Variants in UNC13C observed in about 807,000 individuals in gnomAD.
UNC13C encodes unc-13 homolog C.
In UNC13C, 174 loss-of-function variants were observed where a neutral mutation model predicts 245.4. The ratio of observed to expected loss-of-function variants is 0.71; its 90% confidence interval spans 0.63 to 0.80. UNC13C has a LOEUF of 0.80. Ranked by LOEUF, UNC13C falls within the 30% of genes least tolerant of loss-of-function variation. UNC13C has a pLI of 0.00. For missense variants in UNC13C, 2,829 were observed against 2,602.9 expected, an observed-to-expected ratio of 1.09 and a Z score of -1.89; for synonymous variants, 992 against 895.1, an observed-to-expected ratio of 1.11 and a Z score of -1.93.
intron 1 of UNC13C, among the ~76,000 whole-genome samples, chr15:54,007,215 A>G (rs1895178704): frequency 6.6e-6 from 1 of 152,204 alleles, no homozygotes; most frequent in South Asian, 2.1e-4. Context: ...TAATCCTAAC[A>G]CAGTCCAGGA....
At chr15:54,105,479 A>G (rs1900394496) in intron 2 of UNC13C, among the ~76,000 whole-genome samples, 1 of 152,126 alleles carries the variant, frequency 6.6e-6, no homozygotes, top group Non-Finnish European at 1.5e-5. Flanking sequence ...AGGTTTTCAT[A>G]TATTTTTTAT....
rs181619731 is a variant in UNC13C at position 54,007,350 on chromosome 15, G to A, written c.-256-5298G>A. The stretch of plus-strand genomic sequence containing the variant: ...TCAAGTGATTCAATAGCAAAGACAT[G>A]GAATCAACCCAAATGCCCATCAAAA... On this transcript the variant is annotated intron_variant, in intron 1 of 32. Transcript: ENST00000260323. Among the ~76,000 whole-genome samples the A allele has an allele frequency of 2.0e-4, 31 of 152,212 alleles. No individual in the cohort carries two copies. The East Asian group carries it at 4.4e-3, about 22-fold the overall frequency.
chr15:54,350,360 A>G (rs2038954881), intron 17 of UNC13C, among the ~76,000 whole-genome samples: 1 of 152,224 alleles, frequency 6.6e-6, no homozygotes, highest in Non-Finnish European at 1.5e-5. Flanking sequence ...AAAATAGGCA[A>G]ACACCAAACT....
chr15:54,486,570 C>T (rs1169967928), intron 19 of UNC13C, among the ~76,000 whole-genome samples: 7 of 152,016 alleles, frequency 4.6e-5, no homozygotes, highest in Admixed American at 2.0e-4. Context: ...TTCTAATTCT[C>T]ACAGATATAC....
chr15:54,252,681 A>G (rs1264236970), intron 8 of UNC13C, among the ~76,000 whole-genome samples: 5 of 152,196 alleles, frequency 3.3e-5, no homozygotes, highest in African/African-American at 4.8e-5. Context: ...GTGACACTAT[A>G]TATGAGATAA....
chr15:54,282,190 A>C (rs575001700), intron 10 of UNC13C, among the ~76,000 whole-genome samples: 1 of 152,242 alleles, frequency 6.6e-6, no homozygotes, highest in East Asian at 1.9e-4. Context: ...TACTGTAAAA[A>C]ATTTTGCTAT....
the UNC13C span, among the ~76,000 whole-genome samples, chr15:53,877,063 G>T: frequency 1.3e-5 from 2 of 152,314 alleles, no homozygotes; most frequent in South Asian, 4.2e-4. Context: ...TAGTAGGTAA[G>T]TTGGGTTTTG....
intron 2 of UNC13C, among the ~76,000 whole-genome samples, chr15:54,118,289 A>G (rs1467763640): frequency 1.3e-5 from 2 of 152,098 alleles, no homozygotes; most frequent in East Asian, 3.9e-4. Context: ...ATTCATGAAC[A>G]TGGAATATCC....
chr15:54,470,441 G>C (rs908342154), intron 19 of UNC13C, among the ~76,000 whole-genome samples: 10 of 151,478 alleles, frequency 6.6e-5, no homozygotes, highest in African/African-American at 2.4e-4. Flanking sequence ...GGCCTACTCA[G>C]ATTTGCTATT....
At chr15:54,247,945 TC>T (rs1343871425) in intron 7 of UNC13C, among the ~76,000 whole-genome samples, 1 of 152,150 alleles carries the variant, frequency 6.6e-6, no homozygotes, top group African/African-American at 2.4e-5. Flanking sequence ...TTTTTATTAC[TC>T]CTACTATAAT....
chr15:53,931,839 T>G, the UNC13C span, among the ~76,000 whole-genome samples: 2 of 152,210 alleles, frequency 1.3e-5, no homozygotes, highest in African/African-American at 4.8e-5. Context: ...GGGTGAGTCC[T>G]TGGTGTTACA....
chr15:54,203,064 G>A (rs1354042973), intron 4 of UNC13C, among the ~76,000 whole-genome samples: 1 of 151,602 alleles, frequency 6.6e-6, no homozygotes, highest in African/African-American at 2.4e-5. Context: ...AGGCCAACAA[G>A]CATATGGAAA....
chr15:54,363,236 G>T (rs2039277742), intron 17 of UNC13C, among the ~76,000 whole-genome samples: 1 of 152,178 alleles, frequency 6.6e-6, no homozygotes, highest in Non-Finnish European at 1.5e-5. Context: ...AGCCTCCCAA[G>T]TAGCTGGGAT....
chr15:54,527,838 A>T (rs1303949237), intron 25 of UNC13C, among the ~76,000 whole-genome samples: 1 of 152,204 alleles, frequency 6.6e-6, no homozygotes, highest in Non-Finnish European at 1.5e-5. Context: ...CTAATAAAAA[A>T]TATAATTATT....
At chr15:54,263,132 G>A (rs2036468455) in intron 8 of UNC13C, among the ~76,000 whole-genome samples, 1 of 152,072 alleles carries the variant, frequency 6.6e-6, no homozygotes, top group African/African-American at 2.4e-5. Context: ...ATACAAATTA[G>A]GCAAACTTAC....
rs768613080 is a variant in UNC13C, at chr15:54,013,789, G to A, written c.886G>A (p.Val296Ile). The A allele has an allele frequency of 1.9e-6, 3 of 1,611,644 alleles. No homozygotes were observed. The highest frequency in any genetic ancestry group is 2.2e-5 in the East Asian group (1 of 44,848). Reference protein sequence around the residue: ...SEIEQLRTGFVQSRRETRDIH... With the variant: ...SEIEQLRTGFIQSRRETRDIH... ...AATTGAGCAGTTGCGCACAGGGTTT[G>A]TCCAGTCTCGGAGGGAAACTAGAGA... Residue 296 changes from valine (V) to isoleucine (I), a missense_variant, in exon 2 of 33, where the codon GTC (valine) becomes ATC (isoleucine). By Grantham distance (29) the Val-to-Ile change is conservative (BLOSUM62 3). Coordinates refer to ENST00000260323, the MANE Select transcript of UNC13C (RefSeq NM_001080534.3).
intron 8 of UNC13C, among the ~76,000 whole-genome samples, chr15:54,258,722 C>T (rs2036345417): frequency 6.6e-6 from 1 of 152,204 alleles, no homozygotes; most frequent in South Asian, 2.1e-4. Context: ...GCTGAAATCA[C>T]TATACTTATT....
At chr15:54,394,901 G>T (rs986618891) in intron 18 of UNC13C, among the ~76,000 whole-genome samples, 1 of 151,790 alleles carries the variant, frequency 6.6e-6, no homozygotes, top group African/African-American at 2.4e-5. Context: ...GAATAAATAC[G>T]TTTATTTATG....
the UNC13C span, among the ~76,000 whole-genome samples, chr15:53,909,809 A>T: frequency 2.1e-5 from 3 of 146,198 alleles, no homozygotes; most frequent in Non-Finnish European, 4.6e-5. Context: ...TGTTGAGTTT[A>T]TCCATCAATA....
Sources: allele counts gnomAD v4.1 joint callset (sites outside exome capture counted in the v4.1 genomes callset), GRCh38; gene constraint gnomAD v4.1.1; transcripts MANE v1.5; gene names NCBI Gene and HGNC (gene_info 2026-07-23, HGNC 2026-07-21).